Variants in GALNT14 observed in about 807,000 individuals in gnomAD.
The protein encoded by GALNT14 is UDP-GalNAc:polypeptide N-acetylgalactosaminyltransferase 14.
In GALNT14, 60 loss-of-function variants were observed where a neutral mutation model predicts 77.5. The observed-to-expected ratio is 0.77, with a 90% CI of 0.63 to 0.96. The LOEUF (loss-of-function observed/expected upper bound fraction) is 0.96. Among genes scored for constraint, GALNT14 ranks in the 40% least tolerant of loss-of-function variants. GALNT14 has a pLI of 0.00. For missense variants in GALNT14, 710 were observed against 731.0 expected (o/e 0.97, Z 0.33); for synonymous variants, 280 against 281.7 (o/e 0.99, Z 0.06).
At chr2:30,942,157 G>T (rs1236617990) in intron 9 of GALNT14, 44 bp downstream of exon 9, 1 of 1,396,356 alleles carries the variant, frequency 7.2e-7, no homozygotes, top group Non-Finnish European at 1.0e-6. Context: ...AATCCCCAGG[G>T]TGTATAGAAC....
intron 1 of GALNT14, among the ~76,000 whole-genome samples, chr2:31,029,570 G>A (rs147162257): frequency 9.8e-5 from 15 of 152,292 alleles, no homozygotes; most frequent in African/African-American, 3.1e-4. Context: ...TATGTACAAC[G>A]CACAGGTCAC....
intron 1 of GALNT14, among the ~76,000 whole-genome samples, chr2:30,999,965 C>T (rs1670263701): frequency 6.6e-6 from 1 of 152,218 alleles, no homozygotes; most frequent in Non-Finnish European, 1.5e-5. Context: ...ACTATTCTCA[C>T]CGGTTGGAGC....
chr2:31,007,960 G>A (rs1331899406), intron 1 of GALNT14, among the ~76,000 whole-genome samples: 1 of 152,078 alleles, frequency 6.6e-6, no homozygotes, highest in Non-Finnish European at 1.5e-5. Context: ...CACAACCTCT[G>A]AGCAGGGCAT....
rs184172937 is a variant in GALNT14, at chr2:30,990,426, G to A, written c.299+2412C>T. Among the ~76,000 whole-genome samples the A allele has an allele frequency of 3.9e-5, 6 of 152,362 alleles. No homozygotes were observed. The East Asian group carries it at 1.2e-3, about 29-fold the overall frequency. ...AATCACAGAAGGATTAAGAGACATA[G>A]CTGATGACTCCAACCTAGAGTCAGG... On this transcript the variant is annotated intron_variant, in intron 2 of 14. Coordinates refer to ENST00000349752, the MANE Select transcript of GALNT14 (RefSeq NM_024572.4).
chr2:31,063,500 T>C lies in GALNT14; in HGVS notation c.130-70493A>G, dbSNP rs191795175. 7.9e-5 allele frequency among the ~76,000 whole-genome samples: 12 copies of C among 152,362 alleles called. No homozygotes were observed. The East Asian group carries it at 9.6e-4, about 12-fold the overall frequency. On this transcript the variant is annotated intron_variant, in intron 1 of 14. Transcript: ENST00000349752. ...GTTTGAAGTCAGGTAGTGTGACGCC[T>C]CCAGCTTTGTACTTTTTGCTTAGGA...
At chr2:30,912,925 A>G (rs758016485) in intron 13 of GALNT14, among the ~76,000 whole-genome samples, 11 of 152,178 alleles carry the variant, frequency 7.2e-5, no homozygotes, top group Non-Finnish European at 1.6e-4. Context: ...GAAGAATGTT[A>G]TGAGGATTCA....
intron 1 of GALNT14, among the ~76,000 whole-genome samples, chr2:31,134,433 C>T (rs972415939): frequency 1.3e-5 from 2 of 150,456 alleles, no homozygotes; most frequent in Non-Finnish European, 2.9e-5. Context: ...ACCTACAGCA[C>T]GGAACTCACT....
At chr2:30,915,177 T>A (rs1488046461) in intron 13 of GALNT14, among the ~76,000 whole-genome samples, 1 of 126,648 alleles carries the variant, frequency 7.9e-6, no homozygotes, top group Non-Finnish European at 1.6e-5. Context: ...TTTTTTAATA[T>A]CCTAGGGGTC....
In GALNT14 at chr2:30,978,961, C is replaced by T. The variant is rs1668815768; in HGVS notation, c.300-12659G>A. Among the ~76,000 whole-genome samples the T allele has an allele frequency of 2.0e-5, 3 of 152,170 alleles. No individual in the cohort carries two copies. In the South Asian group the frequency reaches 6.2e-4, roughly 32 times the overall value. On this transcript the variant is annotated intron_variant, in intron 2 of 14. Coordinates refer to ENST00000349752, the MANE Select transcript of GALNT14 (RefSeq NM_024572.4). ...CGGTCTTCCTGAAGAAGACACCCTC[C>T]ACCCAGACTCCCAAAACACAAAAGG...
chr2:31,098,922 T>A (rs1677128323), intron 1 of GALNT14, among the ~76,000 whole-genome samples: 1 of 152,054 alleles, frequency 6.6e-6, no homozygotes, highest in African/African-American at 2.4e-5. Context: ...AAGATCTTCA[T>A]CCTCATCGTC....
chr2:31,011,072 G>T (rs193224342), intron 1 of GALNT14, among the ~76,000 whole-genome samples: 6 of 152,326 alleles, frequency 3.9e-5, no homozygotes, highest in Non-Finnish European at 8.8e-5. Context: ...GAAGGAGGGA[G>T]GGAAGGGATA....
chr2:31,111,791 C>T (rs370953501), intron 1 of GALNT14, among the ~76,000 whole-genome samples: 21 of 152,034 alleles, frequency 1.4e-4, no homozygotes, highest in African/African-American at 4.8e-4. Context: ...CGATGTTAGT[C>T]ATATTTTTCT....
chr2:31,040,345 T>C (rs1673025222), intron 1 of GALNT14, among the ~76,000 whole-genome samples: 1 of 152,212 alleles, frequency 6.6e-6, no homozygotes. Flanking sequence ...TCAACTTGTC[T>C]GGCTAAAGGC....
At position 30,960,054 on chromosome 2, in the gene GALNT14, T is replaced by A. The variant is rs181738092; in HGVS notation, c.399-1590A>T. Among the ~76,000 whole-genome samples, 15 of 152,310 alleles carry A rather than the reference T, an allele frequency of 9.8e-5. 1 individual carries two copies. The East Asian group carries it at 2.9e-3, about 29-fold the overall frequency. Reference sequence around the variant, plus strand: ...ACTTAGCCTGGAGCTACCATATTTATGAAGCCTTGATTCTCACCATGGCAA... The same window carrying A: ...ACTTAGCCTGGAGCTACCATATTTAAGAAGCCTTGATTCTCACCATGGCAA... On this transcript the variant is annotated intron_variant, in intron 3 of 14. Transcript: ENST00000349752.
intron 13 of GALNT14, 29 bp downstream of exon 13, chr2:30,924,090 G>T (rs1665200762): frequency 1.9e-6 from 3 of 1,613,758 alleles, no homozygotes; most frequent in Non-Finnish European, 2.5e-6. Context: ...TGTGACACAT[G>T]GTCCTGTATG....
At chr2:30,978,484 T>C (rs2148370691) in intron 2 of GALNT14, among the ~76,000 whole-genome samples, 1 of 152,326 alleles carries the variant, frequency 6.6e-6, no homozygotes, top group Middle Eastern at 3.4e-3. Flanking sequence ...CGAGAGAACA[T>C]ATATATGGTG....
In GALNT14 at chr2:30,958,476, A is replaced by T; in HGVS notation, c.399-12T>A. The stretch of plus-strand genomic sequence containing the variant: ...TGCGGTTTAATACACTGCAAGATGG[A>T]AACAGAAAAAAATCACTGGAACTTC... On this transcript the variant is annotated splice_polypyrimidine_tract_variant and intron_variant, in intron 3 of 14. Coordinates refer to ENST00000349752, the MANE Select transcript of GALNT14 (RefSeq NM_024572.4). 1 of 1,612,376 alleles carries T rather than the reference A, an allele frequency of 6.2e-7. No homozygotes were observed. The highest frequency in any genetic ancestry group is 8.5e-7 in the Non-Finnish European group (1 of 1,178,536).
At position 30,910,774 on chromosome 2, in the gene GALNT14, G is replaced by A; in HGVS notation, c.*127C>T. 1 of 959,554 alleles carries A rather than the reference G, an allele frequency of 1.0e-6. No homozygotes were observed. Among genetic ancestry groups the A allele is most frequent in the Non-Finnish European group, 1.5e-6 (1 of 649,984 alleles). The allele number at this position is 959,554 out of a possible 1,614,324, so 59.4% of individuals were successfully genotyped here. On this transcript the variant is annotated 3_prime_UTR_variant, in exon 15 of 15. Coordinates refer to ENST00000349752, the MANE Select transcript of GALNT14 (RefSeq NM_024572.4). ...TGAGACAGTTGCTCCTGTCCTGGGG[G>A]GCTCTGCCTCCACCTCCCAGTCCAG...
intron 2 of GALNT14, among the ~76,000 whole-genome samples, chr2:30,970,049 G>A (rs1428334549): frequency 1.3e-5 from 2 of 152,146 alleles, no homozygotes; most frequent in Admixed American, 6.5e-5. Flanking sequence ...ACTATGTTAG[G>A]TGATTACATA....
Sources: gnomAD v4.1 joint callset for allele counts (sites outside exome capture counted in the v4.1 genomes callset) on GRCh38, gnomAD v4.1.1 for gene constraint, MANE v1.5 for transcripts, NCBI Gene and HGNC (gene_info 2026-07-23, HGNC 2026-07-21) for gene names.